The following LSM1 variants were observed in gnomAD, a reference collection of about 807,000 sequenced individuals.
The protein encoded by LSM1 is LSM1 homolog, mRNA degradation associated.
Under a neutral mutation model 18.0 loss-of-function variants are expected in LSM1, and 13 were observed. That is an observed-to-expected ratio of 0.72 (90% confidence interval 0.47 to 1.15). The LOEUF (loss-of-function observed/expected upper bound fraction) is 1.15. Ranked by LOEUF, LSM1 falls within the 50% of genes most tolerant of loss-of-function variation. LSM1 has a pLI of 0.00. For missense variants in LSM1, 152 were observed against 157.7 expected, an observed-to-expected ratio of 0.96 and a Z score of 0.19; for synonymous variants, 46 against 56.0, an observed-to-expected ratio of 0.82 and a Z score of 0.80.
Position 38,173,427 on chromosome 8 carries a change from A to T in LSM1, c.47-1394T>A, listed in dbSNP as rs554352000. 4.5e-4 allele frequency among the ~76,000 whole-genome samples: 69 copies of T among 152,230 alleles called. 1 individual carries two copies. The highest frequency in any genetic ancestry group is 1.6e-3 in the African/African-American group (66 of 41,528). ...TTAAAGAGGAGGAAAAAAGGGCTATACATCCATGTTTAGCTAAAAGCTGAG... is the reference window on the plus strand; with the variant it reads ...TTAAAGAGGAGGAAAAAAGGGCTATTCATCCATGTTTAGCTAAAAGCTGAG... On this transcript the variant is annotated intron_variant, in intron 1 of 3. Transcript: ENST00000311351.
intron 2 of LSM1, among the ~76,000 whole-genome samples, chr8:38,171,606 G>A (rs1006960695): frequency 1.3e-4 from 20 of 152,222 alleles, no homozygotes; most frequent in African/African-American, 4.6e-4. Flanking sequence ...GGCGGAGGTT[G>A]CAGTGAGCCA....
intron 3 of LSM1, among the ~76,000 whole-genome samples, chr8:38,164,543 C>G (rs551500500): frequency 6.7e-6 from 1 of 149,576 alleles, no homozygotes; most frequent in African/African-American, 2.5e-5. Context: ...ATTTTAAGGA[C>G]GGGTGGAGTG....
chr8:38,172,076 T>A (rs776707467), intron 1 of LSM1, 43 bp from the exon 2 acceptor site: 2 of 1,332,198 alleles, frequency 1.5e-6, no homozygotes, highest in Non-Finnish European at 2.1e-6. Context: ...AACTGACAAG[T>A]TCAGCGAGTA....
intron 1 of LSM1, among the ~76,000 whole-genome samples, chr8:38,173,483 C>G (rs769775524): frequency 6.6e-6 from 1 of 151,922 alleles, no homozygotes; most frequent in South Asian, 2.1e-4. Flanking sequence ...TAGATAAAGT[C>G]AGAAAAGTAC....
At chr8:38,176,060 G>C in intron 1 of LSM1, 2 of 483,728 alleles carry the variant, frequency 4.1e-6, no homozygotes, top group South Asian at 6.0e-5. Flanking sequence ...TAGAGGGCTG[G>C]CGGAGGCTGC....
chr8:38,176,721 C>G, upstream of LSM1: 2 of 1,065,452 alleles, frequency 1.9e-6, no homozygotes, highest in Non-Finnish European at 2.5e-6. Flanking sequence ...TTTCGGGGTT[C>G]GGCAGCAGAA....
chr8:38,167,229 C>T (rs148981955), intron 3 of LSM1, among the ~76,000 whole-genome samples: 65 of 152,328 alleles, frequency 4.3e-4, no homozygotes, highest in African/African-American at 1.5e-3. Flanking sequence ...AGAACAAACA[C>T]GTTCACCTCT....
Position 38,167,698 on chromosome 8 carries a change from A to G in LSM1, c.231+2104T>C, listed in dbSNP as rs192519657. On this transcript the variant is annotated intron_variant, in intron 3 of 3. Transcript: ENST00000311351. ...TTGCCTCTTCAAAATTAAATTCAGA[A>G]AAGTATTTTTAAAAATCATCTATAA... Among the ~76,000 whole-genome samples, 297 of 152,224 alleles carry G rather than the reference A, an allele frequency of 2.0e-3. 3 individuals are homozygous for G. Among genetic ancestry groups the G allele is most frequent in the African/African-American group, 6.7e-3 (280 of 41,540 alleles).
At chr8:38,172,459 C>A (rs1232290166) in intron 1 of LSM1, among the ~76,000 whole-genome samples, 1 of 151,878 alleles carries the variant, frequency 6.6e-6, no homozygotes, top group Non-Finnish European at 1.5e-5. Flanking sequence ...GTAGCTGGGA[C>A]TACAGGAGTT....
chr8:38,164,346 G>C (rs1006526192), intron 3 of LSM1, among the ~76,000 whole-genome samples: 80 of 151,788 alleles, frequency 5.3e-4, no homozygotes, highest in African/African-American at 1.9e-3. Context: ...ATAAGTATTT[G>C]TATAACAGAG....
At chr8:38,169,376 G>A (rs1301032622) in intron 3 of LSM1, among the ~76,000 whole-genome samples, 1 of 152,040 alleles carries the variant, frequency 6.6e-6, no homozygotes, top group Non-Finnish European at 1.5e-5. Flanking sequence ...ATAGGTAACG[G>A]AAAAGCTTTT....
At chr8:38,172,687 C>G (rs1201977343) in intron 1 of LSM1, among the ~76,000 whole-genome samples, 16 of 152,078 alleles carry the variant, frequency 1.1e-4, no homozygotes, top group Admixed American at 1.0e-3. Flanking sequence ...TGTAAATTGA[C>G]AAATTTAATC....
chr8:38,170,038 T>C (rs1802998190), intron 2 of LSM1, 121 bp from the exon 3 acceptor site: 2 of 548,154 alleles, frequency 3.6e-6, no homozygotes, highest in Non-Finnish European at 6.5e-6. Context: ...GCTTTCTAAT[T>C]ATTTTTATTT....
intron 1 of LSM1, among the ~76,000 whole-genome samples, chr8:38,173,022 T>C (rs145170094): frequency 1.2e-4 from 18 of 152,238 alleles, no homozygotes; most frequent in African/African-American, 4.1e-4. Context: ...CAAGGCAGTA[T>C]GATGAAGGGA....
chr8:38,164,544 G>A (rs6988336), intron 3 of LSM1, among the ~76,000 whole-genome samples: 2,471 of 151,368 alleles, frequency 0.016, 60 homozygotes, highest in African/African-American at 0.057. Context: ...TTTTAAGGAC[G>A]GGTGGAGTGG....
intron 3 of LSM1, among the ~76,000 whole-genome samples, chr8:38,165,301 G>T (rs915045715): frequency 1.3e-5 from 2 of 151,488 alleles, no homozygotes; most frequent in Admixed American, 6.6e-5. Flanking sequence ...TGCAGTGAGC[G>T]GAGATCACGC....
chr8:38,166,646 C>T (rs554355209), intron 3 of LSM1, among the ~76,000 whole-genome samples: 2 of 152,296 alleles, frequency 1.3e-5, no homozygotes, highest in African/African-American at 2.4e-5. Flanking sequence ...CATACTATTA[C>T]CACATGCTGC....
At position 38,163,632 on chromosome 8, in the gene LSM1, C is replaced by T; in HGVS notation, c.*38G>A. The T allele has an allele frequency of 6.3e-7, 1 of 1,597,016 alleles. No individual in the cohort carries two copies. ...GATGTCACTTTCACTCAGTGACAGC[C>T]CCTACTCTTCAAGAGCCAACAGCCT... On this transcript the variant is annotated 3_prime_UTR_variant, in exon 4 of 4. Coordinates refer to ENST00000311351, the MANE Select transcript of LSM1 (RefSeq NM_014462.3).
At chr8:38,169,004 TAAA>T (rs1168280061) in intron 3 of LSM1, among the ~76,000 whole-genome samples, 1 of 152,158 alleles carries the variant, frequency 6.6e-6, no homozygotes, top group African/African-American at 2.4e-5. Context: ...AAAACAGTAT[TAAA>T]AACTTTAAAA....
Sources: allele counts gnomAD v4.1 joint callset (sites outside exome capture counted in the v4.1 genomes callset), GRCh38; gene constraint gnomAD v4.1.1; transcripts MANE v1.5; gene names NCBI Gene and HGNC (gene_info 2026-07-23, HGNC 2026-07-21).